PTBP2: variants seen among roughly 807,000 people sequenced by gnomAD.
The protein encoded by PTBP2 is polypyrimidine tract binding protein 2.
PTBP2 carries 13 observed loss-of-function variants against 61.4 expected under a neutral mutation model. The ratio of observed to expected loss-of-function variants is 0.21; its 90% CI spans 0.14 to 0.34. The LOEUF is 0.34. Among genes scored for constraint, PTBP2 ranks in the 10% least tolerant of loss-of-function variants. The pLI is 1.00. For missense variants in PTBP2, 405 were observed against 642.6 expected (o/e 0.63, Z 4.00); for synonymous variants, 215 against 218.5 (o/e 0.98, Z 0.14).
At chr1:96,723,260 T>C (rs1449100789) in intron 1 of PTBP2, among the ~76,000 whole-genome samples, 2 of 152,200 alleles carry the variant, frequency 1.3e-5, no homozygotes, top group Non-Finnish European at 2.9e-5. Context: ...AGCGTTAAAT[T>C]ATTAATCTCA....
At chr1:96,812,605 T>C (rs988076135) in intron 11 of PTBP2, 107 bp from the exon 12 acceptor site, 6 of 924,086 alleles carry the variant, frequency 6.5e-6, no homozygotes, top group Middle Eastern at 3.1e-4. Context: ...TGGTGATTTA[T>C]TTTAAAATCA....
rs762152365 is a variant in PTBP2, at chr1:96,726,074, C to CAAA, written c.39+2515_39+2517dup. 1.3e-3 allele frequency among the ~76,000 whole-genome samples: 70 copies of CAAA among 54,216 alleles called. 7 individuals are homozygous for CAAA. Among genetic ancestry groups the CAAA allele is most frequent in the Non-Finnish European group, 1.9e-3 (59 of 31,188 alleles). The allele number at this position is 54,216 out of a possible 152,430, so 35.6% of individuals were successfully genotyped here. On this transcript the variant is annotated intron_variant, in intron 2 of 13. Transcript: ENST00000674951. ...TGGGCGACAGAGACAGACTCTATCT[C>CAAA]AAAAAAAAAAAAAAAAAAAAAAAAA... is the stretch of plus-strand genomic sequence containing the variant.
intron 1 of PTBP2, 114 bp downstream of exon 1, chr1:96,721,986 C>G: frequency 7.3e-7 from 1 of 1,377,370 alleles, no homozygotes; most frequent in Non-Finnish European, 1.0e-6. Flanking sequence ...GCTGGGCTGC[C>G]GTTACCCAAC....
At chr1:96,819,671 C>T (rs1278411492), downstream of PTBP2, 1 of 150,908 alleles carries the variant, frequency 6.6e-6, no homozygotes, top group African/African-American at 2.4e-5. Context: ...AACCTCCCTC[C>T]CCCCACTCCC....
intron 8 of PTBP2, among the ~76,000 whole-genome samples, chr1:96,803,034 T>A (rs1351301190): frequency 6.6e-6 from 1 of 152,150 alleles, no homozygotes; most frequent in African/African-American, 2.4e-5. Flanking sequence ...TGACAACAAG[T>A]GAACGTATCC....
intron 3 of PTBP2, among the ~76,000 whole-genome samples, chr1:96,763,131 C>G (rs540843360): frequency 1.3e-5 from 2 of 149,162 alleles, no homozygotes; most frequent in Admixed American, 1.3e-4. Flanking sequence ...ACGTTCCAGA[C>G]GATGGGCGGC....
At chr1:96,748,866 G>C (rs1362441434) in intron 2 of PTBP2, among the ~76,000 whole-genome samples, 1 of 152,108 alleles carries the variant, frequency 6.6e-6, no homozygotes, top group Non-Finnish European at 1.5e-5. Context: ...TTTATCAGTA[G>C]TGCTGAATCA....
chr1:96,762,914 G>T (rs1217713427), intron 3 of PTBP2, among the ~76,000 whole-genome samples: 2 of 151,658 alleles, frequency 1.3e-5, no homozygotes, highest in African/African-American at 2.4e-5. Context: ...TCGCGGCCGG[G>T]TAGAGGCGCT....
At chr1:96,782,875 C>G (rs1658842867) in intron 7 of PTBP2, among the ~76,000 whole-genome samples, 2 of 151,906 alleles carry the variant, frequency 1.3e-5, no homozygotes, top group Admixed American at 6.6e-5. Flanking sequence ...GCTTTCTGTG[C>G]CTAATATCTT....
intron 3 of PTBP2, among the ~76,000 whole-genome samples, chr1:96,761,345 G>GGTGTGT (rs1557720471): frequency 7.4e-5 from 6 of 80,854 alleles, no homozygotes; most frequent in African/African-American, 2.7e-4. Context: ...TGTGGGATTT[G>GGTGTGT]ATGTGTGTGT....
intron 7 of PTBP2, among the ~76,000 whole-genome samples, chr1:96,781,486 C>G (rs1658662009): frequency 6.6e-6 from 1 of 151,980 alleles, no homozygotes; most frequent in Non-Finnish European, 1.5e-5. Flanking sequence ...CTTGCATATA[C>G]TGTATTTTCT....
At chr1:96,732,169 T>C (rs1651514523) in intron 2 of PTBP2, among the ~76,000 whole-genome samples, 2 of 152,202 alleles carry the variant, frequency 1.3e-5, no homozygotes, top group Admixed American at 1.3e-4. Flanking sequence ...GATATGACTA[T>C]TGAATTCATC....
intron 8 of PTBP2, among the ~76,000 whole-genome samples, chr1:96,797,505 A>G (rs1660512590): frequency 6.6e-6 from 1 of 152,008 alleles, no homozygotes; most frequent in South Asian, 2.1e-4. Flanking sequence ...GAAAAGTAAA[A>G]TTTTTATTTT....
intron 3 of PTBP2, among the ~76,000 whole-genome samples, chr1:96,753,136 G>C (rs1251129084): frequency 6.6e-6 from 1 of 152,140 alleles, no homozygotes; most frequent in African/African-American, 2.4e-5. Context: ...CACAGTTTTG[G>C]ATAATGACTT....
chr1:96,777,440 G>A, intron 5 of PTBP2, 145 bp from the exon 6 acceptor site: 1 of 534,824 alleles, frequency 1.9e-6, no homozygotes. Context: ...CTCATGGCAG[G>A]TGCTTAAAAA....
intron 2 of PTBP2, among the ~76,000 whole-genome samples, chr1:96,726,570 T>G (rs1474206782): frequency 6.6e-6 from 1 of 152,056 alleles, no homozygotes; most frequent in African/African-American, 2.4e-5. Flanking sequence ...CCCAAGTAGC[T>G]GGGACTACAG....
At chr1:96,795,580 A>G (rs1660297471) in intron 8 of PTBP2, among the ~76,000 whole-genome samples, 1 of 152,236 alleles carries the variant, frequency 6.6e-6, no homozygotes. Context: ...TATGTTATAG[A>G]TAAGATAAAC....
intron 2 of PTBP2, among the ~76,000 whole-genome samples, chr1:96,737,546 G>C (rs561859641): frequency 6.6e-6 from 1 of 152,122 alleles, no homozygotes; most frequent in Non-Finnish European, 1.5e-5. Context: ...GGGTTGTTTA[G>C]AGCCTTTAAG....
chr1:96,746,080 A>AC (rs1233099490), intron 2 of PTBP2, among the ~76,000 whole-genome samples: 2 of 151,848 alleles, frequency 1.3e-5, no homozygotes, highest in Non-Finnish European at 2.9e-5. Context: ...ACAAACAAAA[A>AC]AAAACAACAA....
Sources: allele counts gnomAD v4.1 joint callset (sites outside exome capture counted in the v4.1 genomes callset), GRCh38; gene constraint gnomAD v4.1.1; transcripts MANE v1.5; gene names NCBI Gene and HGNC (gene_info 2026-07-23, HGNC 2026-07-21).